Variants in PREP observed in about 807,000 individuals in gnomAD.
PREP encodes dJ355L5.1 (prolyl endopeptidase).
Under a neutral mutation model 87.6 loss-of-function variants are expected in PREP, and 29 were observed. The ratio of observed to expected loss-of-function variants is 0.33; its 90% CI spans 0.25 to 0.45. PREP has a LOEUF of 0.45. PREP is among the 20% of genes least tolerant of loss of function. The pLI is 1.00. For missense variants in PREP, 695 were observed against 886.5 expected (o/e 0.78, Z 2.74); for synonymous variants, 337 against 328.6 (o/e 1.03, Z -0.28).
Position 105,277,465 on chromosome 6 carries a change from A to AGAT in PREP, c.*676_*678dup, listed in dbSNP as rs1769968515. On this transcript the variant is annotated 3_prime_UTR_variant, in exon 15 of 15. Transcript: ENST00000652536. ...ATCCAAACCAAAAGAGCCCCAGATC[A>AGAT]GATTTTTACCCAACTAAGTGGTCAG... 3 of 152,180 alleles carry AGAT rather than the reference A, an allele frequency of 2.0e-5. No homozygotes were observed. The highest frequency in any genetic ancestry group is 2.0e-4 in the Admixed American group (3 of 15,284). The allele number at this position is 152,180 out of a possible 1,614,324, so 9.4% of individuals were successfully genotyped here. A position where few individuals can be genotyped will look rare whatever the true frequency, so the allele number is the denominator to read the frequency against.
intron 6 of PREP, among the ~76,000 whole-genome samples, chr6:105,357,086 A>C (rs895836077): frequency 2.0e-5 from 3 of 152,190 alleles, no homozygotes; most frequent in Non-Finnish European, 4.4e-5. Flanking sequence ...TACATGGCTA[A>C]CAAAACTGTT....
chr6:105,378,260 AC>A (rs1167938932), intron 2 of PREP, among the ~76,000 whole-genome samples: 30 of 152,292 alleles, frequency 2.0e-4, no homozygotes, highest in African/African-American at 7.0e-4. Context: ...GAAGATCGAG[AC>A]CACCCTGGCC....
chr6:105,320,375 G>C (rs1149321), intron 10 of PREP, among the ~76,000 whole-genome samples: 2 of 152,070 alleles, frequency 1.3e-5, no homozygotes, highest in Non-Finnish European at 1.5e-5. Flanking sequence ...TGAAGGCTGT[G>C]TAGAGAGCAG....
intron 6 of PREP, among the ~76,000 whole-genome samples, chr6:105,364,019 C>G (rs1772318314): frequency 6.6e-6 from 1 of 152,150 alleles, no homozygotes; most frequent in African/African-American, 2.4e-5. Context: ...CAATGATAGA[C>G]CAACAAACAA....
chr6:105,347,971 A>G (rs531627738), intron 7 of PREP, among the ~76,000 whole-genome samples: 2 of 152,326 alleles, frequency 1.3e-5, no homozygotes, highest in South Asian at 4.1e-4. Flanking sequence ...AAGAAAATCC[A>G]GACAAATTAT....
chr6:105,310,768 T>G (rs1228732051), intron 10 of PREP, among the ~76,000 whole-genome samples: 1 of 152,234 alleles, frequency 6.6e-6, no homozygotes, highest in African/African-American at 2.4e-5. Context: ...AAGTAACATA[T>G]TTATGCTGAA....
At chr6:105,341,807 T>C (rs1287127037) in intron 7 of PREP, among the ~76,000 whole-genome samples, 1 of 152,240 alleles carries the variant, frequency 6.6e-6, no homozygotes, top group African/African-American at 2.4e-5. Context: ...GATTAATTCC[T>C]GGACACACAC....
chr6:105,362,082 TA>T (rs1374488462), intron 6 of PREP, among the ~76,000 whole-genome samples: 1 of 152,112 alleles, frequency 6.6e-6, no homozygotes, highest in Non-Finnish European at 1.5e-5. Context: ...CAAAATAAAA[TA>T]AATAATGTAG....
chr6:105,336,847 G>A lies in PREP; in HGVS notation c.824-3342C>T, dbSNP rs116216615. ...TATAAACTCAATGTTTGTCCACCTC[G>A]TGGTGGGCTGTACTCTAGGTAGTTC... On this transcript the variant is annotated intron_variant, in intron 7 of 14. Coordinates refer to ENST00000652536, the MANE Select transcript of PREP (RefSeq NM_002726.5). 2.7e-3 allele frequency among the ~76,000 whole-genome samples: 406 copies of A among 152,234 alleles called. 5 individuals are homozygous for A. The highest frequency in any genetic ancestry group is 9.2e-3 in the African/African-American group (384 of 41,546).
At chr6:105,360,928 C>T (rs901086549) in intron 6 of PREP, among the ~76,000 whole-genome samples, 3 of 152,104 alleles carry the variant, frequency 2.0e-5, no homozygotes, top group East Asian at 3.8e-4. Flanking sequence ...GAAGGCTTTA[C>T]ACACACACAT....
Position 105,338,969 on chromosome 6 carries a change from C to T in PREP, c.824-5464G>A, listed in dbSNP as rs1200756862. Among the ~76,000 whole-genome samples, 6 of 152,164 alleles carry T rather than the reference C, an allele frequency of 3.9e-5. No individual in the cohort carries two copies. In the East Asian group the frequency reaches 7.7e-4, roughly 20 times the overall value. ...TCCACCTCTGGGGGCAGGGCATAGC[C>T]GAACAGAAGGCAGCAGAAACTTCTG... is the stretch of plus-strand genomic sequence containing the variant. On this transcript the variant is annotated intron_variant, in intron 7 of 14. Transcript: ENST00000652536.
intron 6 of PREP, among the ~76,000 whole-genome samples, chr6:105,367,233 A>G (rs975305469): frequency 4.6e-5 from 7 of 152,190 alleles, no homozygotes; most frequent in Non-Finnish European, 7.3e-5. Context: ...ACATTATTTC[A>G]TATCTATGGT....
chr6:105,396,777 A>G (rs1309874903), intron 2 of PREP, among the ~76,000 whole-genome samples: 1 of 152,170 alleles, frequency 6.6e-6, no homozygotes, highest in Non-Finnish European at 1.5e-5. Context: ...AGAAACTGCA[A>G]ATATGTACTA....
intron 10 of PREP, among the ~76,000 whole-genome samples, chr6:105,310,368 G>A (rs1015331375): frequency 2.0e-5 from 3 of 152,132 alleles, no homozygotes; most frequent in Non-Finnish European, 4.4e-5. Flanking sequence ...TGATAAGAGC[G>A]TCTATCTCCT....
In PREP at chr6:105,333,328, T is replaced by G; in HGVS notation, c.1001A>C (p.Glu334Ala). The G allele has an allele frequency of 6.2e-7, 1 of 1,614,020 alleles. No individual in the cohort carries two copies. The highest frequency in any genetic ancestry group is 8.5e-7 in the Non-Finnish European group (1 of 1,179,870). Residue 334 changes from glutamate (E) to alanine (A), a missense_variant, in exon 8 of 15, where the codon GAG (glutamate) becomes GCG (alanine). By Grantham distance (107) the Glu-to-Ala change is moderately radical (BLOSUM62 -1). Transcript: ENST00000652536. ...TGTGTTCTCACCTAAGACATCTTTC[T>G]CATGCTCAGGAACAAGTACTTTCCA... ...SKWKVLVPEHEKDVLEWIACV... is the reference protein window; with the variant it reads ...SKWKVLVPEHAKDVLEWIACV...
chr6:105,402,789 T>C, intron 1 of PREP, 58 bp downstream of exon 1: 1 of 1,464,388 alleles, frequency 6.8e-7, no homozygotes, highest in Admixed American at 2.1e-5. Context: ...GTGCCACGGG[T>C]CAGGCAGGCT....
In PREP at chr6:105,305,844, C is replaced by T. The variant is rs1249986590; in HGVS notation, c.1318-16950G>A. Among the ~76,000 whole-genome samples the T allele has an allele frequency of 3.4e-5, 5 of 145,732 alleles. 1 individual carries two copies. The highest frequency in any genetic ancestry group is 7.5e-5 in the Non-Finnish European group (5 of 67,048). On this transcript the variant is annotated intron_variant, in intron 10 of 14. Coordinates refer to ENST00000652536, the MANE Select transcript of PREP (RefSeq NM_002726.5). The stretch of plus-strand genomic sequence containing the variant: ...TTTAATCTTACAGATATATCCTTTT[C>T]TTTTTTTTTTGGGGGGGACAGGTTC...
At chr6:105,307,748 G>A (rs1327054562) in intron 10 of PREP, among the ~76,000 whole-genome samples, 1 of 152,086 alleles carries the variant, frequency 6.6e-6, no homozygotes, top group African/African-American at 2.4e-5. Flanking sequence ...GAGTAGCTGG[G>A]ATTACAGGCA....
intron 7 of PREP, among the ~76,000 whole-genome samples, chr6:105,338,103 G>T (rs949112343): frequency 2.0e-5 from 3 of 152,124 alleles, no homozygotes; most frequent in African/African-American, 7.2e-5. Flanking sequence ...TTTATAATAA[G>T]AACAATGAAA....
Sources: gnomAD v4.1 joint callset for allele counts (sites outside exome capture counted in the v4.1 genomes callset) on GRCh38, gnomAD v4.1.1 for gene constraint, MANE v1.5 for transcripts, NCBI Gene and HGNC (gene_info 2026-07-23, HGNC 2026-07-21) for gene names.